The following NCOA2 variants were observed in gnomAD, a reference collection of about 807,000 sequenced individuals.
NCOA2 encodes class E basic helix-loop-helix protein 75.
A neutral mutation model predicts 145.1 loss-of-function variants in NCOA2; 21 were observed. That is an observed-to-expected ratio of 0.14 (90% confidence interval 0.10 to 0.21). The LOEUF is 0.21. Ranked by LOEUF, NCOA2 falls within the 10% of genes least tolerant of loss-of-function variation. The pLI, the probability that NCOA2 is intolerant of heterozygous loss-of-function variation, is 1.00. For missense variants in NCOA2, 1,472 were observed against 1,837.6 expected (o/e 0.80, Z 3.64); for synonymous variants, 619 against 637.5 (o/e 0.97, Z 0.44).
chr8:70,116,389 TA>T (rs1448173439), intron 22 of NCOA2, among the ~76,000 whole-genome samples: 1 of 151,908 alleles, frequency 6.6e-6, no homozygotes, highest in Non-Finnish European at 1.5e-5. Context: ...CTGTCTCTAC[TA>T]AAAATACAAA....
chr8:70,125,499 G>C (rs1198967384), intron 19 of NCOA2, among the ~76,000 whole-genome samples: 1 of 152,180 alleles, frequency 6.6e-6, no homozygotes, highest in African/African-American at 2.4e-5. Flanking sequence ...CTGAGCTCAA[G>C]AGATTCTTGG....
the NCOA2 span, among the ~76,000 whole-genome samples, chr8:70,445,795 TA>T: frequency 6.6e-6 from 1 of 152,216 alleles, no homozygotes; most frequent in Non-Finnish European, 1.5e-5. Flanking sequence ...ATTTTCTTTT[TA>T]AAAATCATTT....
intron 1 of NCOA2, among the ~76,000 whole-genome samples, chr8:70,376,278 G>A (rs911280277): frequency 3.9e-5 from 6 of 152,176 alleles, no homozygotes; most frequent in East Asian, 3.9e-4. Flanking sequence ...AGTCTCCTTC[G>A]GGGAGAGTAA....
chr8:70,222,323 A>T (rs1407721399), intron 2 of NCOA2, among the ~76,000 whole-genome samples: 1 of 152,204 alleles, frequency 6.6e-6, no homozygotes, highest in Non-Finnish European at 1.5e-5. Flanking sequence ...AACACTAGCC[A>T]TTTATTGTTA....
intron 1 of NCOA2, among the ~76,000 whole-genome samples, chr8:70,309,454 T>A (rs1284407002): frequency 1.3e-5 from 2 of 151,028 alleles, no homozygotes; most frequent in African/African-American, 2.4e-5. Flanking sequence ...TGCTTAAGGA[T>A]AAATAAAAAT....
intron 15 of NCOA2, among the ~76,000 whole-genome samples, chr8:70,133,200 CTTTT>C (rs57813061): frequency 1.4e-4 from 15 of 106,970 alleles, no homozygotes; most frequent in African/African-American, 5.6e-4. Flanking sequence ...CTGGCTGCTA[CTTTT>C]TTTTTTTTTT....
At chr8:70,371,424 G>T (rs1477818487) in intron 1 of NCOA2, among the ~76,000 whole-genome samples, 2 of 151,668 alleles carry the variant, frequency 1.3e-5, no homozygotes, top group African/African-American at 2.4e-5. Context: ...TAAAATAAAG[G>T]TAAGAATAGC....
chr8:70,127,532 C>G (rs371623634), intron 18 of NCOA2, among the ~76,000 whole-genome samples: 1 of 151,968 alleles, frequency 6.6e-6, no homozygotes, highest in Non-Finnish European at 1.5e-5. Context: ...CTGATAAGAA[C>G]GCACAGAGAC....
chr8:70,119,302 C>G (rs1021510350), intron 22 of NCOA2, among the ~76,000 whole-genome samples: 2 of 152,146 alleles, frequency 1.3e-5, no homozygotes, highest in African/African-American at 4.8e-5. Flanking sequence ...TAAGAACATG[C>G]AATAGATATT....
At chr8:70,374,270 G>A (rs774838344) in intron 1 of NCOA2, among the ~76,000 whole-genome samples, 17 of 151,766 alleles carry the variant, frequency 1.1e-4, no homozygotes, top group African/African-American at 4.1e-4. Context: ...TCAGGAGTTC[G>A]AGACCAGCCT....
intron 14 of NCOA2, among the ~76,000 whole-genome samples, chr8:70,140,589 CTAAG>C (rs1319242997): frequency 2.9e-5 from 4 of 137,700 alleles, no homozygotes; most frequent in East Asian, 2.3e-4. Context: ...GCTGTACCAC[CTAAG>C]TTTTTTTTTT....
At chr8:70,273,399 A>T (rs183943346) in intron 2 of NCOA2, 181 of 756,710 alleles carry the variant, frequency 2.4e-4, no homozygotes, top group Non-Finnish European at 2.0e-5. Context: ...ATGAACCAGG[A>T]AAAACTCGCC....
intron 1 of NCOA2, among the ~76,000 whole-genome samples, chr8:70,310,287 T>C (rs1828215195): frequency 7.2e-6 from 1 of 138,748 alleles, no homozygotes; most frequent in South Asian, 2.2e-4. Flanking sequence ...GAGGTTGCAG[T>C]GAGCCAAGAT....
At chr8:70,389,366 C>T (rs528150661) in intron 1 of NCOA2, among the ~76,000 whole-genome samples, 4 of 151,730 alleles carry the variant, frequency 2.6e-5, no homozygotes, top group South Asian at 2.1e-4. Context: ...CCGCAACCTC[C>T]GCCTCTGGGG....
intron 2 of NCOA2, among the ~76,000 whole-genome samples, chr8:70,276,892 ATTTT>A (rs1192417106): frequency 1.3e-5 from 2 of 152,150 alleles, no homozygotes; most frequent in Non-Finnish European, 1.5e-5. Flanking sequence ...ATTTTCTGAT[ATTTT>A]CATTCTTTAC....
At chr8:70,186,291 G>GA (rs1816062881) in intron 4 of NCOA2, among the ~76,000 whole-genome samples, 1 of 152,148 alleles carries the variant, frequency 6.6e-6, no homozygotes, top group Non-Finnish European at 1.5e-5. Context: ...ATATCATATA[G>GA]AAACAGATTC....
At chr8:70,118,247 G>A (rs1807369427) in intron 22 of NCOA2, among the ~76,000 whole-genome samples, 2 of 152,178 alleles carry the variant, frequency 1.3e-5, no homozygotes. Flanking sequence ...CTCAGAGGTT[G>A]AGCTCCCTGG....
intron 2 of NCOA2, among the ~76,000 whole-genome samples, chr8:70,256,776 G>A (rs1010603169): frequency 1.3e-5 from 2 of 152,162 alleles, no homozygotes; most frequent in African/African-American, 4.8e-5. Flanking sequence ...AAGTAAATGG[G>A]TTAGGATTGG....
At chr8:70,425,354 A>AGTG in the NCOA2 span, among the ~76,000 whole-genome samples, 1 of 151,944 alleles carries the variant, frequency 6.6e-6, no homozygotes, top group African/African-American at 2.4e-5. Flanking sequence ...TGAGTTCTTT[A>AGTG]GTGGTGACTC....
Sources: gnomAD v4.1 joint callset for allele counts (sites outside exome capture counted in the v4.1 genomes callset) on GRCh38, gnomAD v4.1.1 for gene constraint, MANE v1.5 for transcripts, NCBI Gene and HGNC (gene_info 2026-07-23, HGNC 2026-07-21) for gene names.